ELN: variants seen among roughly 807,000 people sequenced by gnomAD.
ELN encodes the protein tropoelastin.
A neutral mutation model predicts 105.8 loss-of-function variants in ELN; 65 were observed. The ratio of observed to expected loss-of-function variants is 0.61; its 90% CI spans 0.50 to 0.75. The LOEUF (loss-of-function observed/expected upper bound fraction) is 0.75, where lower values mean the gene tolerates loss of function less well. Among genes scored for constraint, ELN ranks in the 30% least tolerant of loss-of-function variants. The pLI, the probability that ELN is intolerant of heterozygous loss-of-function variation, is 0.00. For synonymous variants in ELN, 368 were observed against 389.2 expected (o/e 0.95, Z 0.64); for missense variants, 882 against 969.4 (o/e 0.91, Z 1.20).
rs569791904 is a variant in ELN at position 74,065,902 on chromosome 7, C to T, written c.2033-42C>T. 44 of 1,613,982 alleles carry T rather than the reference C, an allele frequency of 2.7e-5. No homozygotes were observed. In the African/African-American group the frequency reaches 4.0e-4, roughly 15 times the overall value. The stretch of plus-strand genomic sequence containing the variant: ...CAGCAGGGATATCAGGGCCTCTTCC[C>T]GATGGGGGTGTCTTATCCTGACCCC... On this transcript the variant is annotated intron_variant, in intron 30 of 32. Coordinates refer to ENST00000252034, the MANE Select transcript of ELN (RefSeq NM_000501.4).
intron 26 of ELN, among the ~76,000 whole-genome samples, chr7:74,062,885 C>CG (rs1797001137): frequency 6.6e-6 from 1 of 152,132 alleles, no homozygotes; most frequent in South Asian, 2.1e-4. Context: ...CACAGTGGTT[C>CG]ACACCTTCGG....
chr7:74,052,837 G>T, intron 17 of ELN: 1 of 291,110 alleles, frequency 3.4e-6, no homozygotes, highest in Non-Finnish European at 6.5e-6. Flanking sequence ...GGGAGGGAGG[G>T]AGAGAGAGAG....
At chr7:74,046,014 G>A (rs887743262) in intron 10 of ELN, 174 bp from the exon 11 acceptor site, 16 of 832,890 alleles carry the variant, frequency 1.9e-5, no homozygotes, top group African/African-American at 1.5e-4. Context: ...CAGCCTGGGC[G>A]ACAAGAGCGA....
rs1554686583 is a variant in ELN at position 74,063,415 on chromosome 7, C to G, written c.1918+46C>G. ...GGAGCTGCCGCCAGGCCCCCAGGCC[C>G]CCAGGGTGTGGGAGGAGCTTCTGAC... is the stretch of plus-strand genomic sequence containing the variant. On this transcript the variant is annotated intron_variant, in intron 28 of 32. Coordinates refer to ENST00000252034, the MANE Select transcript of ELN (RefSeq NM_000501.4). This position sits in a 1 kb window ranked among gnomAD's most constrained non-coding sequence, Gnocchi z 4.1. 2 of 1,545,498 alleles carry G rather than the reference C, an allele frequency of 1.3e-6. No individual in the cohort carries two copies. Among genetic ancestry groups the G allele is most frequent in the Admixed American group, 3.9e-5 (2 of 51,100 alleles).
chr7:74,045,158 G>A (rs1018885433), intron 9 of ELN, 64 bp from the exon 10 acceptor site: 34 of 1,595,082 alleles, frequency 2.1e-5, no homozygotes, highest in Non-Finnish European at 2.7e-5. Flanking sequence ...CCGAGGAGGG[G>A]AGGGGTTCCC....
intron 2 of ELN, 45 bp from the exon 3 acceptor site, chr7:74,036,510 G>A (rs1331608242): frequency 6.2e-7 from 1 of 1,612,580 alleles, no homozygotes; most frequent in Non-Finnish European, 8.5e-7. Context: ...GGCTTGCCTG[G>A]CAGAAGTACC....
chr7:74,057,501 G>C, intron 21 of ELN, 139 bp from the exon 22 acceptor site: 1 of 1,591,088 alleles, frequency 6.3e-7, no homozygotes, highest in Non-Finnish European at 8.6e-7. Flanking sequence ...AGATGGGTTT[G>C]GTTTGTCTCA....
chr7:74,028,764 G>A (rs999369969), intron 1 of ELN, among the ~76,000 whole-genome samples: 4 of 152,328 alleles, frequency 2.6e-5, no homozygotes, highest in South Asian at 4.1e-4. Context: ...GGATCCCCCC[G>A]TCAGGAAGGT....
chr7:74,060,422 T>C lies in ELN; in HGVS notation c.1668T>C (p.Gly556=). ...LGAGIPGLGV[G]VGVPGLGVGA... The stretch of plus-strand genomic sequence containing the variant: ...CTGGCATCCCTGGACTTGGAGTTGG[T>C]GTCGGCGTCCCTGGACTTGGAGTTG... Residue 556 remains glycine (G), a synonymous_variant, in exon 25 of 33, where the codon GGT becomes GGC. Coordinates refer to ENST00000252034, the MANE Select transcript of ELN (RefSeq NM_000501.4). 5 of 1,614,202 alleles carry C rather than the reference T, an allele frequency of 3.1e-6. No individual in the cohort carries two copies. The highest frequency in any genetic ancestry group is 2.5e-6 in the Non-Finnish European group (3 of 1,180,028).
chr7:74,047,775 C>T (rs1288789196), intron 13 of ELN, 59 bp downstream of exon 13: 22 of 1,611,864 alleles, frequency 1.4e-5, no homozygotes, highest in Non-Finnish European at 1.5e-5. Flanking sequence ...AGGGTCCTAG[C>T]AAGGGTGCTG....
At chr7:74,051,416 C>G (rs1208379778) in intron 15 of ELN, among the ~76,000 whole-genome samples, 2 of 152,218 alleles carry the variant, frequency 1.3e-5, no homozygotes, top group African/African-American at 4.8e-5. Context: ...ATCTTCGGAA[C>G]ACAGGGAGAG....
chr7:74,062,974 C>T (rs111658016), intron 26 of ELN, among the ~76,000 whole-genome samples, 179 bp from the exon 27 acceptor site: 2 of 152,026 alleles, frequency 1.3e-5, no homozygotes, highest in African/African-American at 4.8e-5. Flanking sequence ...GCACTCCAGC[C>T]GGGGTGACAG....
chr7:74,055,200 G>A (rs1794973222), intron 19 of ELN, among the ~76,000 whole-genome samples: 1 of 152,242 alleles, frequency 6.6e-6, no homozygotes, highest in Non-Finnish European at 1.5e-5. Flanking sequence ...AGCAATTTGG[G>A]AGACCAAGGT....
intron 21 of ELN, chr7:74,057,267 G>GAAAAAC: frequency 1.2e-6 from 1 of 826,504 alleles, no homozygotes; most frequent in Non-Finnish European, 1.7e-6. Context: ...AAAAGAAAAA[G>GAAAAAC]AATTGAAGGT....
At chr7:74,049,062 T>C (rs1281663035) in intron 15 of ELN, among the ~76,000 whole-genome samples, 1 of 110,356 alleles carries the variant, frequency 9.1e-6, no homozygotes, top group African/African-American at 3.5e-5. Context: ...CATTCATCCA[T>C]CCATCTATCC....
At chr7:74,036,217 C>T (rs1471702161) in intron 2 of ELN, among the ~76,000 whole-genome samples, 3 of 151,882 alleles carry the variant, frequency 2.0e-5, no homozygotes, top group Admixed American at 6.6e-5. Context: ...GTGATTGAAC[C>T]CAGGAGGCGG....
intron 17 of ELN, chr7:74,052,261 C>T (rs1794215663): frequency 1.9e-6 from 1 of 518,950 alleles, no homozygotes. Flanking sequence ...GCTGCATCAA[C>T]TAAATGGGTG....
intron 3 of ELN, among the ~76,000 whole-genome samples, chr7:74,037,009 C>T (rs1421701312): frequency 1.3e-5 from 2 of 151,724 alleles, no homozygotes; most frequent in African/African-American, 4.8e-5. Flanking sequence ...TTTCTAGAGA[C>T]AGGGTTTCAT....
Position 74,045,353 on chromosome 7 carries a change from C to T in ELN, c.541+60C>T, listed in dbSNP as rs946858530. The T allele has an allele frequency of 2.6e-5, 42 of 1,596,372 alleles. No homozygotes were observed. In the Middle Eastern group the frequency reaches 5.0e-4, roughly 19 times the overall value. Reference sequence around the variant, plus strand: ...GGACTCTCCAACCACCTTCTGGCCCCGGGTGTGAAATGGGGTGGGATCCTG... The same window carrying T: ...GGACTCTCCAACCACCTTCTGGCCCTGGGTGTGAAATGGGGTGGGATCCTG... On this transcript the variant is annotated intron_variant, in intron 10 of 32. Transcript: ENST00000252034.
Sources: gnomAD v4.1 joint callset for allele counts (sites outside exome capture counted in the v4.1 genomes callset) on GRCh38, gnomAD v4.1.1 for gene constraint, Gnocchi (gnomAD v3.1) non-coding constraint, MANE v1.5 for transcripts, NCBI Gene and HGNC (gene_info 2026-07-23, HGNC 2026-07-21) for gene names.